Variants in FILIP1 observed in about 807,000 individuals in gnomAD.
FILIP1 encodes filamin-A-interacting protein 1.
A neutral mutation model predicts 102.1 loss-of-function variants in FILIP1; 61 were observed. The ratio of observed to expected loss-of-function variants is 0.60; its 90% CI spans 0.49 to 0.74. FILIP1 has a LOEUF of 0.74. FILIP1 is among the 30% of genes least tolerant of loss of function. FILIP1 has a pLI of 0.00. For synonymous variants in FILIP1, 491 were observed against 526.9 expected, an observed-to-expected ratio of 0.93 and a Z score of 0.93; for missense variants, 1,314 against 1,441.2, an observed-to-expected ratio of 0.91 and a Z score of 1.43.
At chr6:75,330,548 G>GA (rs915200962) in intron 4 of FILIP1, among the ~76,000 whole-genome samples, 1 of 152,072 alleles carries the variant, frequency 6.6e-6, no homozygotes, top group African/African-American at 2.4e-5. Flanking sequence ...AAAGAGAAGA[G>GA]AAAAAATCTG....
At chr6:75,296,382 T>G (rs112990140) in intron 6 of FILIP1, 2,847 of 141,194 alleles carry the variant, frequency 0.02, 108 homozygotes, top group African/African-American at 0.071. Flanking sequence ...TGTGTGTGTG[T>G]GGATTAGAGT....
chr6:75,309,092 AAAC>A (rs2149541357), intron 5 of FILIP1, among the ~76,000 whole-genome samples, 195 bp from the exon 6 acceptor site: 1 of 151,570 alleles, frequency 6.6e-6, no homozygotes, highest in African/African-American at 2.4e-5. Context: ...CCTTCACTTA[AAAC>A]AACTTTGCTT....
At chr6:75,360,668 T>G (rs1265222319) in intron 3 of FILIP1, 1 of 152,226 alleles carries the variant, frequency 6.6e-6, no homozygotes, top group Non-Finnish European at 1.5e-5. Context: ...CTTCCCCAGA[T>G]ATTTGGCAAG....
intron 5 of FILIP1, among the ~76,000 whole-genome samples, chr6:75,311,310 G>A (rs1160894340): frequency 4.0e-5 from 6 of 150,882 alleles, no homozygotes; most frequent in Non-Finnish European, 8.8e-5. Flanking sequence ...AGCCTCCAGA[G>A]TAGCTGAGAT....
chr6:75,372,687 G>GAGAA (rs1775584917), intron 2 of FILIP1, among the ~76,000 whole-genome samples: 1 of 27,742 alleles, frequency 3.6e-5, no homozygotes, highest in Admixed American at 3.5e-4. Flanking sequence ...GAAAGAAAGA[G>GAGAA]AAAGAAAGAG....
intron 1 of FILIP1, chr6:75,465,221 C>T: frequency 4.7e-6 from 1 of 212,980 alleles, no homozygotes; most frequent in Non-Finnish European, 9.4e-6. Flanking sequence ...CAGGAGATGG[C>T]ACAGTTAACT....
intron 1 of FILIP1, among the ~76,000 whole-genome samples, chr6:75,467,127 T>C (rs1211034468): frequency 6.6e-6 from 1 of 152,242 alleles, no homozygotes; most frequent in Non-Finnish European, 1.5e-5. Flanking sequence ...TTGTAAAATA[T>C]GAAACCTTAA....
chr6:75,300,091 AAACACT>A (rs1772795813), intron 6 of FILIP1, among the ~76,000 whole-genome samples: 1 of 152,222 alleles, frequency 6.6e-6, no homozygotes, highest in Non-Finnish European at 1.5e-5. Context: ...ATACTCTGCC[AAACACT>A]GCAAAGGAAC....
At chr6:75,493,063 T>C (rs1358377633) in intron 1 of FILIP1, among the ~76,000 whole-genome samples, 1 of 152,248 alleles carries the variant, frequency 6.6e-6, no homozygotes, top group Non-Finnish European at 1.5e-5. Flanking sequence ...CTAGGGGAGA[T>C]ATCCTTTTCA....
At chr6:75,356,836 T>G (rs981273353) in intron 3 of FILIP1, among the ~76,000 whole-genome samples, 1 of 152,196 alleles carries the variant, frequency 6.6e-6, no homozygotes. Flanking sequence ...CCATTCTCTA[T>G]TACAAAATAT....
At chr6:75,376,108 A>G (rs1034609145) in intron 2 of FILIP1, among the ~76,000 whole-genome samples, 1 of 152,202 alleles carries the variant, frequency 6.6e-6, no homozygotes, top group African/African-American at 2.4e-5. Context: ...ATAAGTTATC[A>G]ATTTTCTGAT....
At position 75,458,308 on chromosome 6, in the gene FILIP1, C is replaced by G. The variant is rs566616307; in HGVS notation, c.-7+35106G>C. ...ACAGCACATCACAACAAAGAATATT[C>G]AGTCCAAAATGTCAATAATGTTGAA... is the stretch of plus-strand genomic sequence containing the variant. On this transcript the variant is annotated intron_variant, in intron 1 of 5. Coordinates refer to ENST00000237172, the MANE Select transcript of FILIP1 (RefSeq NM_015687.5). 3 of 152,256 alleles carry G rather than the reference C, an allele frequency of 2.0e-5. No homozygotes were observed. In the East Asian group the frequency reaches 5.8e-4, roughly 29 times the overall value. The allele number at this position is 152,256 out of a possible 1,614,324, so 9.4% of individuals were successfully genotyped here. A position where few individuals can be genotyped will look rare whatever the true frequency, so the allele number is the denominator to read the frequency against.
chr6:75,404,456 C>T (rs1776766388), intron 2 of FILIP1, among the ~76,000 whole-genome samples: 1 of 152,150 alleles, frequency 6.6e-6, no homozygotes, highest in Non-Finnish European at 1.5e-5. Flanking sequence ...ACCCTAGATC[C>T]AGTGCTATAA....
Position 75,486,395 on chromosome 6 carries a change from C to T in FILIP1, c.-7+7019G>A, listed in dbSNP as rs567297898. On this transcript the variant is annotated intron_variant, in intron 1 of 5. Transcript: ENST00000237172. Reference sequence around the variant, plus strand: ...CCAACTCTACTGGCCATTGAAGCTTCTGATTCCACTTTGGGATCCTGGAAA... The same window carrying T: ...CCAACTCTACTGGCCATTGAAGCTTTTGATTCCACTTTGGGATCCTGGAAA... Among the ~76,000 whole-genome samples the T allele has an allele frequency of 2.6e-5, 4 of 152,276 alleles. No homozygotes were observed. The South Asian group carries it at 8.3e-4, about 32-fold the overall frequency.
At chr6:75,490,797 C>A (rs112315958) in intron 1 of FILIP1, among the ~76,000 whole-genome samples, 2 of 151,994 alleles carry the variant, frequency 1.3e-5, no homozygotes, top group Non-Finnish European at 2.9e-5. Context: ...TTTTTCTGTG[C>A]GTGGTAAAAC....
intron 4 of FILIP1, among the ~76,000 whole-genome samples, chr6:75,337,824 A>T (rs569112428): frequency 5.1e-4 from 77 of 152,286 alleles, no homozygotes; most frequent in African/African-American, 1.8e-3. Context: ...AGTGAGAAAA[A>T]CCTGAGAGCA....
intron 2 of FILIP1, among the ~76,000 whole-genome samples, chr6:75,369,595 CATA>C (rs1775449652): frequency 2.0e-5 from 3 of 150,074 alleles, no homozygotes; most frequent in Non-Finnish European, 4.4e-5. Context: ...GAAAAAAAAA[CATA>C]ATGAGTAGGA....
chr6:75,468,604 G>T (rs1040267848), intron 1 of FILIP1, among the ~76,000 whole-genome samples: 4 of 152,120 alleles, frequency 2.6e-5, no homozygotes, highest in African/African-American at 7.2e-5. Flanking sequence ...CAGATATAAA[G>T]TATAAAATAA....
intron 1 of FILIP1, among the ~76,000 whole-genome samples, chr6:75,426,564 A>G (rs1240128437): frequency 6.6e-6 from 1 of 152,144 alleles, no homozygotes; most frequent in Non-Finnish European, 1.5e-5. Flanking sequence ...GGCAGCTGAC[A>G]TGCTAACAGG....
Sources: allele counts gnomAD v4.1 joint callset (sites outside exome capture counted in the v4.1 genomes callset), GRCh38; gene constraint gnomAD v4.1.1; transcripts MANE v1.5; gene names NCBI Gene and HGNC (gene_info 2026-07-23, HGNC 2026-07-21).